KCNIP4: variants seen among roughly 807,000 people sequenced by gnomAD.
KCNIP4 encodes the protein Kv channel-interacting protein 4.
A neutral mutation model predicts 34.0 loss-of-function variants in KCNIP4; 12 were observed. The observed-to-expected ratio is 0.35, with a 90% confidence interval of 0.23 to 0.57. The LOEUF is 0.57. Ranked by LOEUF, KCNIP4 falls within the 20% of genes least tolerant of loss-of-function variation. KCNIP4 has a pLI of 0.83. For synonymous variants in KCNIP4, 124 were observed against 102.2 expected, an observed-to-expected ratio of 1.21 and a Z score of -1.29; for missense variants, 238 against 311.7, an observed-to-expected ratio of 0.76 and a Z score of 1.78.
At chr4:21,238,668 C>T (rs974208258) in intron 1 of KCNIP4, among the ~76,000 whole-genome samples, 4 of 152,126 alleles carry the variant, frequency 2.6e-5, no homozygotes, top group Non-Finnish European at 5.9e-5. Flanking sequence ...ATCCAACTTA[C>T]AAGGGATGTG....
intron 1 of KCNIP4, among the ~76,000 whole-genome samples, chr4:21,252,307 T>C (rs1381473521): frequency 6.6e-6 from 1 of 151,858 alleles, no homozygotes; most frequent in Non-Finnish European, 1.5e-5. Flanking sequence ...TTTGTATTTT[T>C]AGTAGAGACA....
intron 1 of KCNIP4, among the ~76,000 whole-genome samples, chr4:20,958,124 C>T (rs982010594): frequency 1.3e-5 from 2 of 152,174 alleles, no homozygotes; most frequent in African/African-American, 4.8e-5. Flanking sequence ...TAACCTTCCT[C>T]AATAAGCATT....
At position 20,923,574 on chromosome 4, in the gene KCNIP4, T is replaced by C. The variant is rs187843019; in HGVS notation, c.62-40865A>G. 4.9e-4 allele frequency among the ~76,000 whole-genome samples: 75 copies of C among 152,318 alleles called. No homozygotes were observed. The East Asian group carries it at 0.012, about 24-fold the overall frequency. Reference sequence around the variant, plus strand: ...GCTTTAGTGTGGGACAGTCTCAGAATAATATTTTGAATGAAGCAAAAGATT... The same window carrying C: ...GCTTTAGTGTGGGACAGTCTCAGAACAATATTTTGAATGAAGCAAAAGATT... On this transcript the variant is annotated intron_variant, in intron 1 of 8. Coordinates refer to ENST00000382152, the MANE Select transcript of KCNIP4 (RefSeq NM_025221.6).
chr4:21,240,233 G>T (rs200377547), intron 1 of KCNIP4, among the ~76,000 whole-genome samples: 1 of 105,724 alleles, frequency 9.5e-6, no homozygotes. Context: ...GTGGGGTGGG[G>T]GGAGGGGGGA....
chr4:21,706,558 A>G (rs945673495), intron 1 of KCNIP4, among the ~76,000 whole-genome samples: 7 of 152,180 alleles, frequency 4.6e-5, no homozygotes, highest in African/African-American at 1.7e-4. Flanking sequence ...CAAAGTCCAA[A>G]TATATGAAAT....
At chr4:21,055,108 C>T (rs113279058) in intron 1 of KCNIP4, among the ~76,000 whole-genome samples, 4,058 of 151,924 alleles carry the variant, frequency 0.027, 165 homozygotes, top group African/African-American at 0.091. Context: ...TGTTAAAGAC[C>T]ATAATAAGAA....
intron 5 of KCNIP4, among the ~76,000 whole-genome samples, chr4:20,745,752 C>G (rs751038630): frequency 4.6e-5 from 7 of 152,134 alleles, no homozygotes; most frequent in African/African-American, 1.4e-4. Context: ...TCTGCCAAAC[C>G]TTTAATGAGT....
chr4:21,753,402 C>A (rs1717285489), intron 1 of KCNIP4, among the ~76,000 whole-genome samples: 1 of 152,180 alleles, frequency 6.6e-6, no homozygotes, highest in South Asian at 2.1e-4. Flanking sequence ...ACAGCACAGA[C>A]CTCATGGAAG....
chr4:21,159,452 A>T lies in KCNIP4; in HGVS notation c.62-276743T>A, dbSNP rs1753416560. ...CGGTCTACAGCTCCCAGCGTGAGCG[A>T]CGCAGAAGACGGTGATTTCTGCATT... On this transcript the variant is annotated intron_variant, in intron 1 of 8. Coordinates refer to ENST00000382152, the MANE Select transcript of KCNIP4 (RefSeq NM_025221.6). Among the ~76,000 whole-genome samples, 2 of 77,882 alleles carry T rather than the reference A, an allele frequency of 2.6e-5. 1 individual carries two copies. The highest frequency in any genetic ancestry group is 1.4e-4 in the African/African-American group (2 of 14,406). The allele number at this position is 77,882 out of a possible 152,430, so 51.1% of individuals were successfully genotyped here. A position where few individuals can be genotyped will look rare whatever the true frequency, so the allele number is the denominator to read the frequency against.
At chr4:21,825,235 AT>A (rs1722602576) in intron 1 of KCNIP4, among the ~76,000 whole-genome samples, 1 of 152,122 alleles carries the variant, frequency 6.6e-6, no homozygotes, top group Non-Finnish European at 1.5e-5. Context: ...GAAGAAAAAA[AT>A]ATGTATAAAA....
chr4:21,484,504 C>T (rs940578102), intron 1 of KCNIP4, among the ~76,000 whole-genome samples: 11 of 152,070 alleles, frequency 7.2e-5, no homozygotes, highest in Non-Finnish European at 1.3e-4. Context: ...TGTATCACCA[C>T]GACTAAAATA....
intron 1 of KCNIP4, among the ~76,000 whole-genome samples, chr4:21,924,379 G>A (rs1729117195): frequency 6.6e-6 from 1 of 151,700 alleles, no homozygotes; most frequent in African/African-American, 2.4e-5. Context: ...AAGTAGCTGG[G>A]ACTACAGGTG....
At chr4:21,526,463 G>A (rs1735982754) in intron 1 of KCNIP4, among the ~76,000 whole-genome samples, 1 of 151,984 alleles carries the variant, frequency 6.6e-6, no homozygotes, top group Admixed American at 6.6e-5. Context: ...TTAGCAGCAT[G>A]GGAACAGACT....
intron 1 of KCNIP4, among the ~76,000 whole-genome samples, chr4:21,910,960 T>C (rs1728273044): frequency 6.6e-6 from 1 of 152,214 alleles, no homozygotes; most frequent in Admixed American, 6.5e-5. Context: ...AATCTGCTAT[T>C]CATTTTTTAA....
intron 1 of KCNIP4, among the ~76,000 whole-genome samples, chr4:21,512,959 A>G (rs1734457298): frequency 6.6e-6 from 1 of 152,190 alleles, no homozygotes; most frequent in Non-Finnish European, 1.5e-5. Flanking sequence ...GGGTGTCACA[A>G]GGATTAGATG....
At chr4:21,070,941 C>T (rs2108996329) in intron 1 of KCNIP4, among the ~76,000 whole-genome samples, 1 of 152,066 alleles carries the variant, frequency 6.6e-6, no homozygotes, top group East Asian at 1.9e-4. Flanking sequence ...TCCCAAAGTG[C>T]TGGAATTACA....
chr4:21,661,889 C>A (rs1479289187), intron 1 of KCNIP4, among the ~76,000 whole-genome samples: 1 of 152,152 alleles, frequency 6.6e-6, no homozygotes, highest in African/African-American at 2.4e-5. Context: ...AGTAACTAAA[C>A]GTCCTTATTT....
intron 1 of KCNIP4, among the ~76,000 whole-genome samples, chr4:21,691,439 T>C (rs1276857514): frequency 1.3e-5 from 2 of 152,168 alleles, no homozygotes; most frequent in African/African-American, 4.8e-5. Context: ...AGCTGGAGCA[T>C]ACACATTACC....
intron 1 of KCNIP4, among the ~76,000 whole-genome samples, chr4:20,963,050 G>T (rs1733997596): frequency 6.6e-6 from 1 of 152,124 alleles, no homozygotes; most frequent in African/African-American, 2.4e-5. Flanking sequence ...GGCCAGACAT[G>T]GTGGCTCACA....
Sources: allele counts gnomAD v4.1 joint callset (sites outside exome capture counted in the v4.1 genomes callset), GRCh38; gene constraint gnomAD v4.1.1; transcripts MANE v1.5; gene names NCBI Gene and HGNC (gene_info 2026-07-23, HGNC 2026-07-21).